Variants in GRXCR2 observed in about 807,000 individuals in gnomAD.
GRXCR2 encodes the protein glutaredoxin and cysteine rich domain containing 2.
A neutral mutation model predicts 24.8 loss-of-function variants in GRXCR2; 23 were observed. The ratio of observed to expected loss-of-function variants is 0.93; its 90% CI spans 0.67 to 1.32. The LOEUF (loss-of-function observed/expected upper bound fraction) is 1.32, where lower values mean the gene tolerates loss of function less well. Among genes scored for constraint, GRXCR2 ranks in the 40% most tolerant of loss-of-function variants. The pLI is 0.00. For synonymous variants in GRXCR2, 130 were observed against 116.1 expected, an observed-to-expected ratio of 1.12 and a Z score of -0.77; for missense variants, 315 against 303.4, an observed-to-expected ratio of 1.04 and a Z score of -0.28.
chr5:145,910,786 G>A (rs890987195), intron 2 of GRXCR2, among the ~76,000 whole-genome samples: 1 of 152,144 alleles, frequency 6.6e-6, no homozygotes, highest in Non-Finnish European at 1.5e-5. Context: ...AGATGAAGCA[G>A]ATAAGATTTA....
At chr5:145,865,065 G>A (rs746821246) in intron 2 of GRXCR2, among the ~76,000 whole-genome samples, 3 of 152,104 alleles carry the variant, frequency 2.0e-5, no homozygotes, top group Non-Finnish European at 4.4e-5. Context: ...AGCCTTTGGT[G>A]CCTCTTGTCT....
upstream of GRXCR2, among the ~76,000 whole-genome samples, chr5:145,876,191 G>GTGTGTATATATA (rs1412232264): frequency 2.2e-4 from 23 of 105,300 alleles, no homozygotes; most frequent in Admixed American, 4.0e-4. Flanking sequence ...GTGTGTGTGT[G>GTGTGTATATATA]TATATATATA....
chr5:145,868,178 TTGTGAGAACTGTTGCCATTG>T (rs1756467255), intron 1 of GRXCR2, among the ~76,000 whole-genome samples: 1 of 152,142 alleles, frequency 6.6e-6, no homozygotes, highest in African/African-American at 2.4e-5. Flanking sequence ...AATATGCAGA[TTGTGAGAACTGTTGCCATTG>T]TTATTATTTA....
intron 2 of GRXCR2, among the ~76,000 whole-genome samples, chr5:145,863,982 T>G (rs759685724): frequency 3.3e-5 from 5 of 152,240 alleles, no homozygotes; most frequent in Non-Finnish European, 4.4e-5. Flanking sequence ...AGCATAAACA[T>G]GGCCAGGCCT....
chr5:145,864,448 G>A (rs1756393081), intron 2 of GRXCR2, among the ~76,000 whole-genome samples: 1 of 152,134 alleles, frequency 6.6e-6, no homozygotes, highest in Non-Finnish European at 1.5e-5. Context: ...GACTGATATG[G>A]TTTGGCTCTG....
At chr5:145,868,445 C>A (rs1581331658) in intron 1 of GRXCR2, among the ~76,000 whole-genome samples, 1 of 152,198 alleles carries the variant, frequency 6.6e-6, no homozygotes, top group East Asian at 1.9e-4. Flanking sequence ...AAGCCACAAG[C>A]TTCCTATCTG....
chr5:145,923,253 A>G (rs1460284771), intron 2 of GRXCR2, among the ~76,000 whole-genome samples: 1 of 152,210 alleles, frequency 6.6e-6, no homozygotes, highest in Non-Finnish European at 1.5e-5. Context: ...ACATATAATA[A>G]GTGTCATACC....
chr5:145,879,438 A>G (rs377197727), intron 2 of GRXCR2, among the ~76,000 whole-genome samples: 1 of 152,102 alleles, frequency 6.6e-6, no homozygotes, highest in Admixed American at 6.5e-5. Flanking sequence ...ACCTACAAAG[A>G]TCAAAAGAGA....
chr5:145,920,161 T>C (rs1294719852), intron 2 of GRXCR2, among the ~76,000 whole-genome samples: 1 of 152,046 alleles, frequency 6.6e-6, no homozygotes, highest in Non-Finnish European at 1.5e-5. Context: ...TGCAGCCGGG[T>C]GGGGGTGTCT....
intron 2 of GRXCR2, among the ~76,000 whole-genome samples, chr5:145,910,630 C>G (rs1413211806): frequency 1.3e-5 from 2 of 152,094 alleles, no homozygotes; most frequent in African/African-American, 4.8e-5. Flanking sequence ...GTCTGAGATA[C>G]AGTAGTGACA....
chr5:145,871,901 A>C (rs1756536765), intron 1 of GRXCR2, among the ~76,000 whole-genome samples: 1 of 152,202 alleles, frequency 6.6e-6, no homozygotes, highest in Admixed American at 6.5e-5. Context: ...GCATATATAC[A>C]TCTCCTATGA....
rs73308197 is a variant in GRXCR2 at position 145,918,510 on chromosome 5, G to A, written c.-70+17191C>T. ...AGGACTGAGAGTTCTCACAACCTTC[G>A]ATACTCACAGCAGAGACTGCCCAGT... On this transcript the variant is annotated intron_variant, in intron 2 of 3. Coordinates refer to the GRXCR2 transcript ENST00000639411. Among the ~76,000 whole-genome samples, 940 of 152,238 alleles carry A rather than the reference G, an allele frequency of 6.2e-3. 9 individuals carry two copies. The highest frequency in any genetic ancestry group is 0.021 in the African/African-American group (890 of 41,548).
Position 145,889,172 on chromosome 5 carries a change from A to AAAAGAAAGAAAGAAAGAAAG in GRXCR2, c.-69-22464_-69-22445dup, listed in dbSNP as rs557521873. ...TGACAGACCGAGACTCTGTCTCAAAAAAAGAAAGAAAGAAAGAAAGAAAGA... is the reference window on the plus strand; with the variant it reads ...TGACAGACCGAGACTCTGTCTCAAAAAAAGAAAGAAAGAAAGAAAGAAAGAAAGAAAGAAAGAAAGAAAGA... On this transcript the variant is annotated intron_variant, in intron 2 of 3. Transcript: ENST00000639411. 4.2e-3 allele frequency among the ~76,000 whole-genome samples: 357 copies of AAAAGAAAGAAAGAAAGAAAG among 84,018 alleles called. 9 individuals are homozygous for AAAAGAAAGAAAGAAAGAAAG. Among genetic ancestry groups the AAAAGAAAGAAAGAAAGAAAG allele is most frequent in the East Asian group, 0.013 (35 of 2,782 alleles). The allele number at this position is 84,018 out of a possible 152,430, so 55.1% of individuals were successfully genotyped here.
chr5:145,896,869 G>A (rs1229198901), intron 2 of GRXCR2, among the ~76,000 whole-genome samples: 10 of 152,058 alleles, frequency 6.6e-5, no homozygotes, highest in African/African-American at 2.4e-4. Flanking sequence ...CAATAGCAAA[G>A]ACTTGGAACC....
rs144587935 is a variant in GRXCR2 at position 145,866,712 on chromosome 5, T to C, written c.353A>G (p.Asp118Gly). The C allele has an allele frequency of 9.3e-6, 15 of 1,607,076 alleles. No homozygotes were observed. Among genetic ancestry groups the C allele is most frequent in the Middle Eastern group, 1.6e-4 (1 of 6,074 alleles). The change falls in exon 2 of 3, where the codon GAT (aspartate) becomes GGT (glycine). Residue 118 changes from aspartate to glycine, a missense_variant. Physicochemically the swap from Asp to Gly is moderately conservative, Grantham distance 94 (BLOSUM62 -1). Transcript: ENST00000377976. Reference sequence around the variant, plus strand: ...AGTGTAGATGATTATCTTTCCAAAATCTATAATAGGTAGGGGCTAGAGAAA... The same window carrying C: ...AGTGTAGATGATTATCTTTCCAAAACCTATAATAGGTAGGGGCTAGAGAAA... ...ANDHKPLPII[D>G]FGKIIIYTNN... is the part of the protein sequence containing the mutation.
At chr5:145,919,522 G>T (rs572446076) in intron 2 of GRXCR2, among the ~76,000 whole-genome samples, 142 of 152,312 alleles carry the variant, frequency 9.3e-4, no homozygotes, top group African/African-American at 3.3e-3. Flanking sequence ...TCCCTGAGTT[G>T]CAAGGGTTTG....
upstream of GRXCR2, among the ~76,000 whole-genome samples, chr5:145,874,988 C>A (rs1256190744): frequency 1.3e-5 from 2 of 152,210 alleles, no homozygotes; most frequent in East Asian, 3.8e-4. Flanking sequence ...GCAGCCTTCC[C>A]ACCTTCCCCA....
At chr5:145,886,674 T>C (rs1038324065) in intron 2 of GRXCR2, among the ~76,000 whole-genome samples, 3 of 152,156 alleles carry the variant, frequency 2.0e-5, no homozygotes, top group South Asian at 2.1e-4. Context: ...CTGAGTTTTC[T>C]CTATTCCAGC....
At chr5:145,928,879 A>G (rs1299177053) in intron 2 of GRXCR2, among the ~76,000 whole-genome samples, 1 of 150,982 alleles carries the variant, frequency 6.6e-6, no homozygotes, top group Non-Finnish European at 1.5e-5. Flanking sequence ...TGTTGTGCAC[A>G]TGTACCCTAA....
Sources: gnomAD v4.1 joint callset for allele counts (sites outside exome capture counted in the v4.1 genomes callset) on GRCh38, gnomAD v4.1.1 for gene constraint, MANE v1.5 for transcripts, NCBI Gene and HGNC (gene_info 2026-07-23, HGNC 2026-07-21) for gene names.